SRPK1: variants seen among roughly 807,000 people sequenced by gnomAD.
SRPK1 encodes the protein SFRS protein kinase 1.
A neutral mutation model predicts 89.5 loss-of-function variants in SRPK1; 52 were observed. The ratio of observed to expected loss-of-function variants is 0.58; its 90% CI spans 0.46 to 0.73. The LOEUF (loss-of-function observed/expected upper bound fraction) is 0.73, where lower values mean the gene tolerates loss of function less well. Among genes scored for constraint, SRPK1 ranks in the 30% least tolerant of loss-of-function variants. The pLI is 0.00. For synonymous variants in SRPK1, 255 were observed against 270.2 expected (o/e 0.94, Z 0.55); for missense variants, 603 against 780.6 (o/e 0.77, Z 2.71).
At chr6:35,916,246 T>TAATAAATA (rs970282360) in intron 2 of SRPK1, among the ~76,000 whole-genome samples, 2 of 131,020 alleles carry the variant, frequency 1.5e-5, no homozygotes, top group South Asian at 2.4e-4. Flanking sequence ...ATAAATAAAT[T>TAATAAATA]AATTAATTAA....
chr6:35,844,858 G>A (rs944636546), intron 13 of SRPK1, among the ~76,000 whole-genome samples: 4 of 151,768 alleles, frequency 2.6e-5, no homozygotes, highest in African/African-American at 9.7e-5. Flanking sequence ...TAAAAATACT[G>A]AAATTAAAGT....
intron 7 of SRPK1, among the ~76,000 whole-genome samples, chr6:35,873,716 C>G (rs933134520): frequency 6.6e-6 from 1 of 152,114 alleles, no homozygotes; most frequent in African/African-American, 2.4e-5. Context: ...TCTCGAGCTC[C>G]TGACCTCAGG....
intron 6 of SRPK1, among the ~76,000 whole-genome samples, chr6:35,885,757 T>C (rs1020895935): frequency 1.4e-4 from 21 of 152,244 alleles, no homozygotes; most frequent in Non-Finnish European, 3.1e-4. Flanking sequence ...AAAAATCTGA[T>C]TGACCTTTAT....
chr6:35,875,530 T>G (rs1037018101), intron 6 of SRPK1, among the ~76,000 whole-genome samples: 1 of 152,084 alleles, frequency 6.6e-6, no homozygotes, highest in African/African-American at 2.4e-5. Context: ...CTATAAAGGA[T>G]AAAATTATGA....
intron 14 of SRPK1, 37 bp from the exon 15 acceptor site, chr6:35,838,466 A>G: frequency 6.6e-7 from 1 of 1,519,064 alleles, no homozygotes; most frequent in Non-Finnish European, 8.8e-7. Flanking sequence ...GGGGAAAAAA[A>G]AGATCCGTAA....
At chr6:35,844,396 T>A (rs1243093988) in intron 13 of SRPK1, among the ~76,000 whole-genome samples, 1 of 152,198 alleles carries the variant, frequency 6.6e-6, no homozygotes, top group East Asian at 1.9e-4. Context: ...TCAATGGTAC[T>A]AAGCAGTCCA....
intron 2 of SRPK1, among the ~76,000 whole-genome samples, chr6:35,912,310 CA>C (rs2127268889): frequency 6.6e-6 from 1 of 152,256 alleles, no homozygotes; most frequent in Non-Finnish European, 1.5e-5. Flanking sequence ...ATGATAGCAC[CA>C]CTGCACTCCA....
intron 2 of SRPK1, among the ~76,000 whole-genome samples, chr6:35,891,259 AT>A (rs1249606021): frequency 2.0e-5 from 3 of 152,208 alleles, no homozygotes; most frequent in African/African-American, 4.8e-5. Context: ...AATTACTTGA[AT>A]CTCAATATCC....
chr6:35,851,142 T>G (rs1012390888), intron 13 of SRPK1, among the ~76,000 whole-genome samples: 1 of 152,008 alleles, frequency 6.6e-6, no homozygotes, highest in Non-Finnish European at 1.5e-5. Context: ...TGGGCTATAA[T>G]GAGTTAATGG....
chr6:35,846,996 T>A, intron 13 of SRPK1, among the ~76,000 whole-genome samples: 1 of 152,156 alleles, frequency 6.6e-6, no homozygotes. Context: ...ATAGAAGGAA[T>A]GTACCTCAAC....
At chr6:35,858,860 C>T (rs968080958) in intron 12 of SRPK1, among the ~76,000 whole-genome samples, 6 of 152,106 alleles carry the variant, frequency 3.9e-5, no homozygotes, top group Non-Finnish European at 7.4e-5. Flanking sequence ...TATAGGGCAA[C>T]CCAATCAGAT....
chr6:35,893,816 G>C (rs1770571300), intron 2 of SRPK1, among the ~76,000 whole-genome samples: 1 of 151,934 alleles, frequency 6.6e-6, no homozygotes, highest in Non-Finnish European at 1.5e-5. Flanking sequence ...TTCAAGACCA[G>C]CCTGGCCAAC....
chr6:35,836,906 A>C (rs1244744508), intron 15 of SRPK1, among the ~76,000 whole-genome samples: 1 of 152,110 alleles, frequency 6.6e-6, no homozygotes, highest in African/African-American at 2.4e-5. Flanking sequence ...CTCTTATGAA[A>C]CATTTTACAA....
At chr6:35,838,163 C>T (rs1170019928) in intron 15 of SRPK1, among the ~76,000 whole-genome samples, 174 bp downstream of exon 15, 4 of 151,992 alleles carry the variant, frequency 2.6e-5, no homozygotes, top group East Asian at 1.9e-4. Flanking sequence ...CCACCGCGCC[C>T]GGCTCAGTCT....
intron 2 of SRPK1, among the ~76,000 whole-genome samples, chr6:35,915,991 A>AAAAAAAAAT (rs1433969114): frequency 1.2e-5 from 1 of 86,292 alleles, no homozygotes; most frequent in African/African-American, 6.4e-5. Flanking sequence ...AAAAAAAAAA[A>AAAAAAAAAT]ATATATACAC....
At chr6:35,915,997 TACAC>T (rs57574093) in intron 2 of SRPK1, among the ~76,000 whole-genome samples, 8,626 of 89,520 alleles carry the variant, frequency 0.096, 717 homozygotes, top group Admixed American at 0.2. Flanking sequence ...AAAAAATATA[TACAC>T]ACACACACAC....
rs1198762783 is a variant in SRPK1 at position 35,901,775 on chromosome 6, A to C, written c.75-10762T>G. Among the ~76,000 whole-genome samples the C allele has an allele frequency of 2.0e-5, 3 of 152,114 alleles. No individual in the cohort carries two copies. The East Asian group carries it at 5.8e-4, about 29-fold the overall frequency. On this transcript the variant is annotated intron_variant, in intron 2 of 15. Coordinates refer to ENST00000373825, the MANE Select transcript of SRPK1 (RefSeq NM_003137.5). ...ATTTCTCCCACTACCTTTTCCATAT[A>C]TATTTTTCCTGAAAGATTTTTTTCT...
At chr6:35,915,995 T>TAA (rs1353733748) in intron 2 of SRPK1, among the ~76,000 whole-genome samples, 1 of 54,656 alleles carries the variant, frequency 1.8e-5, no homozygotes, top group African/African-American at 9.8e-5. Context: ...AAAAAAAATA[T>TAA]ATACACACAC....
intron 12 of SRPK1, 107 bp from the exon 13 acceptor site, chr6:35,857,475 C>A: frequency 1.1e-6 from 1 of 874,180 alleles, no homozygotes. Flanking sequence ...TTTTCCCAAA[C>A]CAAAGTTCTC....
Sources: allele counts gnomAD v4.1 joint callset (sites outside exome capture counted in the v4.1 genomes callset), GRCh38; gene constraint gnomAD v4.1.1; transcripts MANE v1.5; gene names NCBI Gene and HGNC (gene_info 2026-07-23, HGNC 2026-07-21).